The following PCDH11X variants were observed in gnomAD, a reference collection of about 807,000 sequenced individuals.
PCDH11X encodes the protein protocadherin 11 X-linked.
PCDH11X carries 18 observed loss-of-function variants against 53.3 expected under a neutral mutation model. That is an observed-to-expected ratio of 0.34 (90% CI 0.23 to 0.50). The LOEUF (loss-of-function observed/expected upper bound fraction) is 0.50. PCDH11X is among the 20% of genes least tolerant of loss of function. PCDH11X has a pLI of 0.98. For synonymous variants in PCDH11X, 279 were observed against 393.3 expected (o/e 0.71, Z 3.44); for missense variants, 570 against 1,032.4 (o/e 0.55, Z 6.14).
intron 10 of PCDH11X, among the ~76,000 whole-genome samples, chrX:92,499,746 C>T (rs1243219471): frequency 1.0e-5 from 1 of 99,709 alleles, no homozygotes; most frequent in Non-Finnish European, 2.0e-5. Flanking sequence ...GTGGGATGAC[C>T]ACTTGAGCCT....
intron 6 of PCDH11X, among the ~76,000 whole-genome samples, chrX:91,888,393 C>G (rs1028907335): frequency 8.9e-6 from 1 of 112,030 alleles, no homozygotes; most frequent in Non-Finnish European, 1.9e-5. Context: ...ACTCTCATGC[C>G]TGTAATCCCA....
intron 10 of PCDH11X, among the ~76,000 whole-genome samples, chrX:92,563,047 GTTTTTTTTTTTTTTTTTTT>G (rs61411325): frequency 2.5e-4 from 11 of 43,857 alleles, no homozygotes; most frequent in Non-Finnish European, 3.8e-4. Flanking sequence ...CCTTGGTACC[GTTTTTTTTTTTTTTTTTTT>G]TTTTTTTTTT....
intron 10 of PCDH11X, among the ~76,000 whole-genome samples, chrX:92,487,666 C>T (rs1400624540): frequency 4.5e-5 from 5 of 110,468 alleles, no homozygotes; most frequent in Non-Finnish European, 9.4e-5. Context: ...AATCTGATTC[C>T]GGGAAATATT....
At chrX:92,216,342 C>A (rs1461174165) in intron 7 of PCDH11X, among the ~76,000 whole-genome samples, 2 of 107,176 alleles carry the variant, frequency 1.9e-5, no homozygotes, top group African/African-American at 6.8e-5. Flanking sequence ...ATAACCAATA[C>A]AGAGAAGTGC....
At chrX:92,420,499 C>T (rs1415961293) in intron 9 of PCDH11X, 4 of 351,017 alleles carry the variant, frequency 1.1e-5, no homozygotes, top group African/African-American at 2.6e-5. Context: ...CTGTGAGTTT[C>T]CCTTCATCTA....
intron 10 of PCDH11X, among the ~76,000 whole-genome samples, chrX:92,516,026 C>A (rs1294995427): frequency 8.9e-6 from 1 of 111,781 alleles, no homozygotes; most frequent in East Asian, 2.8e-4. Context: ...ACTCATAGAC[C>A]TTTTTCTGCT....
At chrX:92,603,884 G>GT (rs1408676236) in intron 10 of PCDH11X, among the ~76,000 whole-genome samples, 3 of 106,093 alleles carry the variant, frequency 2.8e-5, no homozygotes, top group Non-Finnish European at 5.8e-5. Context: ...GTATAATTTT[G>GT]TTTTTTCTTT....
At chrX:92,186,717 AAATT>A (rs759056627) in intron 6 of PCDH11X, among the ~76,000 whole-genome samples, 4 of 110,896 alleles carry the variant, frequency 3.6e-5, no homozygotes, top group Admixed American at 9.7e-5. Flanking sequence ...AACAGACACA[AAATT>A]ACAGATAGAT....
At chrX:92,313,486 A>G (rs1279953661) in intron 8 of PCDH11X, among the ~76,000 whole-genome samples, 3 of 111,120 alleles carry the variant, frequency 2.7e-5, no homozygotes, top group Non-Finnish European at 3.8e-5. Context: ...AATATCTTCT[A>G]TGTAATTTTT....
chrX:92,538,605 G>A (rs2074707073), intron 10 of PCDH11X, among the ~76,000 whole-genome samples: 1 of 100,457 alleles, frequency 1.0e-5, no homozygotes, highest in Admixed American at 1.1e-4. Context: ...TTAAACTGAT[G>A]ACAACATAGC....
intron 10 of PCDH11X, among the ~76,000 whole-genome samples, chrX:92,586,230 C>A (rs1317265283): frequency 1.2e-4 from 12 of 100,965 alleles, no homozygotes; most frequent in African/African-American, 4.4e-4. Context: ...TTTTAAAAAA[C>A]AAAGAATATT....
intron 6 of PCDH11X, among the ~76,000 whole-genome samples, chrX:92,054,820 C>CAAAAAAAAAAAAAAAAAAAAAAA (rs1174448342): frequency 1.2e-4 from 3 of 25,337 alleles, no homozygotes; most frequent in East Asian, 1.4e-3. Flanking sequence ...AACTCTGTCT[C>CAAAAAAAAAAAAAAAAAAAAAAA]AAAAAAAAAA....
intron 8 of PCDH11X, among the ~76,000 whole-genome samples, chrX:92,299,078 T>C: frequency 9.0e-6 from 1 of 111,290 alleles, no homozygotes; most frequent in Middle Eastern, 4.7e-3. Flanking sequence ...TCATGGAGGT[T>C]TGGGGAGTTC....
chrX:91,804,929 C>T (rs1412127304), intron 1 of PCDH11X, among the ~76,000 whole-genome samples: 1 of 101,490 alleles, frequency 9.9e-6, no homozygotes, highest in Non-Finnish European at 2.0e-5. Context: ...GTAAATATAA[C>T]CTATAGTAAA....
At chrX:92,103,865 C>G (rs1411728724) in intron 6 of PCDH11X, among the ~76,000 whole-genome samples, 2 of 111,357 alleles carry the variant, frequency 1.8e-5, no homozygotes, top group Non-Finnish European at 3.8e-5. Context: ...TTAATTAAGT[C>G]CTGTTGTGGG....
At chrX:92,099,485 T>C (rs1290894961) in intron 6 of PCDH11X, among the ~76,000 whole-genome samples, 3 of 110,474 alleles carry the variant, frequency 2.7e-5, no homozygotes, top group African/African-American at 9.9e-5. Context: ...ATCATTTTAA[T>C]CTTTTGAATT....
intron 8 of PCDH11X, among the ~76,000 whole-genome samples, chrX:92,319,469 G>A (rs1334478585): frequency 3.9e-4 from 44 of 112,057 alleles, no homozygotes; most frequent in African/African-American, 1.4e-3. Context: ...CTACTTAATG[G>A]GAATGAGACC....
intron 9 of PCDH11X, among the ~76,000 whole-genome samples, chrX:92,454,194 T>A (rs955018737): frequency 2.8e-4 from 29 of 103,987 alleles, no homozygotes; most frequent in African/African-American, 1.0e-3. Context: ...TATAATTATA[T>A]GTGTAGTGTA....
At position 91,835,837 on chromosome X, in the gene PCDH11X, G is replaced by A. The variant is rs762160179; in HGVS notation, c.333G>A (p.Glu111=). 70 of 1,207,529 alleles carry A rather than the reference G, an allele frequency of 5.8e-5. No homozygotes were observed. Among genetic ancestry groups the A allele is most frequent in the South Asian group, 1.2e-4 (7 of 56,663 alleles). The change falls in exon 5 of 11, where the codon GAG becomes GAA. Residue 111 remains glutamate, a synonymous_variant. Transcript: ENST00000682573. ...ATGAGCATTGCTTTTATGAAGTGGA[G>A]GTTGCCATTTTGCCGGATGAAATAT... The part of the protein sequence containing the change: ...PRDEHCFYEV[E]VAILPDEIFR...
Sources: gnomAD v4.1 joint callset for allele counts (sites outside exome capture counted in the v4.1 genomes callset) on GRCh38, gnomAD v4.1.1 for gene constraint, MANE v1.5 for transcripts, NCBI Gene and HGNC (gene_info 2026-07-23, HGNC 2026-07-21) for gene names.